Variants in KLRK1 observed in about 807,000 individuals in gnomAD.
The protein encoded by KLRK1 is NKG2-D type II integral membrane protein.
A neutral mutation model predicts 31.3 loss-of-function variants in KLRK1; 40 were observed. That is an observed-to-expected ratio of 1.28 (90% CI 0.99 to 1.67). KLRK1 has a LOEUF of 1.67. Among genes scored for constraint, KLRK1 ranks in the 40% most tolerant of loss-of-function variants. The probability of loss-of-function intolerance (pLI) is 0.00; values close to 1 mark genes in which losing one functional copy is unlikely to be tolerated. For synonymous variants in KLRK1, 77 were observed against 77.3 expected (o/e 1.00, Z 0.02); for missense variants, 251 against 260.0 (o/e 0.97, Z 0.24).
chr12:10,372,985 C>G lies in KLRK1; in HGVS notation c.*129G>C. The G allele has an allele frequency of 1.3e-6, 1 of 769,206 alleles. No homozygotes were observed. Among genetic ancestry groups the G allele is most frequent in the East Asian group, 2.8e-5 (1 of 35,970 alleles). The allele number at this position is 769,206 out of a possible 1,614,324, so 47.6% of individuals were successfully genotyped here. A position where few individuals can be genotyped will look rare whatever the true frequency, so the allele number is the denominator to read the frequency against. The stretch of plus-strand genomic sequence containing the variant: ...GTTCTATGGTTTGGTCCTGTGGAGT[C>G]TAAGAAATCTGACAGTCTTTGGTCA... On this transcript the variant is annotated 3_prime_UTR_variant, in exon 8 of 8. Coordinates refer to ENST00000240618, the MANE Select transcript of KLRK1 (RefSeq NM_007360.4).
chr12:10,375,302 G>A (rs1441713712), intron 7 of KLRK1, among the ~76,000 whole-genome samples: 1 of 152,118 alleles, frequency 6.6e-6, no homozygotes, highest in African/African-American at 2.4e-5. Flanking sequence ...TAGTAAGTCT[G>A]GCTCCAGAGC....
intron 3 of KLRK1, among the ~76,000 whole-genome samples, chr12:10,385,651 C>T (rs970622385): frequency 6.6e-6 from 1 of 151,916 alleles, no homozygotes; most frequent in East Asian, 1.9e-4. Context: ...TTAATGAATA[C>T]AAAATTACAG....
intron 3 of KLRK1, among the ~76,000 whole-genome samples, chr12:10,384,815 T>C (rs1370290507): frequency 6.6e-6 from 1 of 152,006 alleles, no homozygotes; most frequent in African/African-American, 2.4e-5. Context: ...AGACAACTTG[T>C]AGAATAAGAG....
At chr12:10,374,601 G>C (rs1862929061) in intron 7 of KLRK1, among the ~76,000 whole-genome samples, 1 of 150,258 alleles carries the variant, frequency 6.7e-6, no homozygotes, top group Non-Finnish European at 1.5e-5. Context: ...CACCATGTTG[G>C]CCAAGCTGGA....
chr12:10,387,960 C>T (rs1393315926), intron 2 of KLRK1, among the ~76,000 whole-genome samples: 1 of 152,066 alleles, frequency 6.6e-6, no homozygotes, highest in Non-Finnish European at 1.5e-5. Flanking sequence ...AATCATTTTG[C>T]TCTCTTGAAA....
chr12:10,387,593 T>G, intron 2 of KLRK1, among the ~76,000 whole-genome samples: 1 of 151,542 alleles, frequency 6.6e-6, no homozygotes, highest in South Asian at 2.1e-4. Flanking sequence ...TTTTTTGAGA[T>G]GGAGTGCAAT....
chr12:10,375,079 T>C (rs746589892), intron 7 of KLRK1, among the ~76,000 whole-genome samples: 1 of 152,120 alleles, frequency 6.6e-6, no homozygotes, highest in Non-Finnish European at 1.5e-5. Flanking sequence ...AATGAGGCCA[T>C]CCTGGATCAA....
At position 10,378,212 on chromosome 12, in the gene KLRK1, T is replaced by G; in HGVS notation, c.453A>C (p.Ser151=). 6.2e-7 allele frequency: 1 copy of G among 1,613,660 alleles called. No individual in the cohort carries two copies. The highest frequency in any genetic ancestry group is 8.5e-7 in the Non-Finnish European group (1 of 1,179,900). ...TGTGTACTAGTCCCATCCAATGATATGACTTCACCAGTTTAAGTAAATCCT... is the reference window on the plus strand; with the variant it reads ...TGTGTACTAGTCCCATCCAATGATAGGACTTCACCAGTTTAAGTAAATCCT... ...EDQDLLKLVK[S]YHWMGLVHIP... The change falls in exon 7 of 8, where the codon TCA becomes TCC. Residue 151 remains serine, a synonymous_variant. Transcript: ENST00000240618.
intron 2 of KLRK1, 23 bp downstream of exon 2, chr12:10,388,748 A>T (rs780886518): frequency 4.3e-6 from 7 of 1,613,056 alleles, no homozygotes; most frequent in Non-Finnish European, 5.1e-6. Flanking sequence ...ACAAAACTAC[A>T]CACTTATGTG....
In KLRK1 at chr12:10,380,317, G is replaced by A. The variant is rs546049529; in HGVS notation, c.149-525C>T. The stretch of plus-strand genomic sequence containing the variant: ...CCTGACCTCGTGATCCGCCCGCCTC[G>A]GCCTCCCAAAGTGCTGGGATTACAG... On this transcript the variant is annotated intron_variant, in intron 3 of 7. Coordinates refer to ENST00000240618, the MANE Select transcript of KLRK1 (RefSeq NM_007360.4). 2.4e-4 allele frequency among the ~76,000 whole-genome samples: 37 copies of A among 152,074 alleles called. 1 individual carries two copies. The South Asian group carries it at 5.8e-3, about 24-fold the overall frequency.
chr12:10,374,694 T>C (rs755249631), intron 7 of KLRK1, among the ~76,000 whole-genome samples: 1 of 152,226 alleles, frequency 6.6e-6, no homozygotes, highest in Non-Finnish European at 1.5e-5. Context: ...CTTTTTAATA[T>C]CACTTTGTCC....
chr12:10,382,149 G>T (rs1166428998), intron 3 of KLRK1: 1 of 152,236 alleles, frequency 6.6e-6, no homozygotes, highest in African/African-American at 2.4e-5. Flanking sequence ...TGGCCCTTGG[G>T]CAAGCCCTGG....
At chr12:10,375,830 G>C (rs76709223) in intron 7 of KLRK1, among the ~76,000 whole-genome samples, 1 of 152,124 alleles carries the variant, frequency 6.6e-6, no homozygotes, top group Non-Finnish European at 1.5e-5. Context: ...ATATTCATAA[G>C]ATCAGTGAAC....
intron 3 of KLRK1, among the ~76,000 whole-genome samples, chr12:10,386,391 T>C (rs1282494606): frequency 6.6e-6 from 1 of 152,090 alleles, no homozygotes; most frequent in African/African-American, 2.4e-5. Flanking sequence ...TTTCTTAGTT[T>C]TTAATAAAAA....
At chr12:10,389,104 A>G in intron 1 of KLRK1, 1 of 353,732 alleles carries the variant, frequency 2.8e-6, no homozygotes, top group Admixed American at 4.2e-5. Flanking sequence ...TAATGAACCT[A>G]TTAATTCACC....
chr12:10,375,680 G>A (rs1464150710), intron 7 of KLRK1, among the ~76,000 whole-genome samples: 1 of 152,168 alleles, frequency 6.6e-6, no homozygotes, highest in East Asian at 1.9e-4. Context: ...AAGCAGTAGT[G>A]ACAAAATGCT....
At chr12:10,379,579 G>A in intron 4 of KLRK1, 97 bp from the exon 5 acceptor site, 1 of 1,316,802 alleles carries the variant, frequency 7.6e-7, no homozygotes, top group Non-Finnish European at 1.0e-6. Context: ...TAGCAAAAAT[G>A]TGACAAAGAT....
chr12:10,389,102 C>A (rs1250791932), intron 1 of KLRK1: 1 of 356,750 alleles, frequency 2.8e-6, no homozygotes, highest in Non-Finnish European at 5.1e-6. Flanking sequence ...TATAATGAAC[C>A]TATTAATTCA....
chr12:10,386,491 T>C (rs1863169425), intron 3 of KLRK1, among the ~76,000 whole-genome samples: 2 of 152,044 alleles, frequency 1.3e-5, no homozygotes, highest in African/African-American at 4.8e-5. Flanking sequence ...AAAAAAGTCA[T>C]TGGAGAATAT....
Sources: gnomAD v4.1 joint callset for allele counts (sites outside exome capture counted in the v4.1 genomes callset) on GRCh38, gnomAD v4.1.1 for gene constraint, MANE v1.5 for transcripts, NCBI Gene and HGNC (gene_info 2026-07-23, HGNC 2026-07-21) for gene names.